LRFN2: variants seen among roughly 807,000 people sequenced by gnomAD.
LRFN2 encodes leucine rich repeat and fibronectin type III domain containing 2, also known as leucine-rich repeat and fibronectin type-III domain-containing protein 2.
A neutral mutation model predicts 37.3 loss-of-function variants in LRFN2; 18 were observed. That is an observed-to-expected ratio of 0.48 (90% CI 0.33 to 0.72). The LOEUF (loss-of-function observed/expected upper bound fraction) is 0.72. Among genes scored for constraint, LRFN2 ranks in the 30% least tolerant of loss-of-function variants. The probability of loss-of-function intolerance (pLI) is 0.02; values close to 1 mark genes in which losing one functional copy is unlikely to be tolerated. For synonymous variants in LRFN2, 556 were observed against 466.6 expected (o/e 1.19, Z -2.47); for missense variants, 1,006 against 1,060.7 (o/e 0.95, Z 0.72).
intron 1 of LRFN2, among the ~76,000 whole-genome samples, chr6:40,462,341 A>G (rs1392504996): frequency 6.6e-6 from 1 of 152,034 alleles, no homozygotes; most frequent in African/African-American, 2.4e-5. Flanking sequence ...GTCCCTCCAT[A>G]CTCTCTTGCA....
At chr6:40,403,394 A>G (rs1043630951) in intron 2 of LRFN2, among the ~76,000 whole-genome samples, 13 of 152,090 alleles carry the variant, frequency 8.5e-5, no homozygotes, top group Admixed American at 2.6e-4. Context: ...GGATCAGAAG[A>G]CTGATCTTCC....
chr6:40,444,900 T>G (rs574754176), intron 1 of LRFN2, among the ~76,000 whole-genome samples: 2 of 123,500 alleles, frequency 1.6e-5, no homozygotes, highest in Admixed American at 8.0e-5. Context: ...GTCTTCTTCA[T>G]GATTTTTTTT....
chr6:40,435,072 G>T (rs1234711493), intron 1 of LRFN2, among the ~76,000 whole-genome samples: 8 of 137,930 alleles, frequency 5.8e-5, no homozygotes, highest in African/African-American at 1.8e-4. Context: ...GAGAGAGAGA[G>T]AGAGAGAGAG....
chr6:40,517,851 G>C (rs1352438520), intron 1 of LRFN2, among the ~76,000 whole-genome samples: 1 of 152,118 alleles, frequency 6.6e-6, no homozygotes, highest in African/African-American at 2.4e-5. Context: ...CATTAGTACG[G>C]ACAATTTGGC....
chr6:40,419,214 C>A (rs1763163931), intron 2 of LRFN2, among the ~76,000 whole-genome samples: 1 of 152,202 alleles, frequency 6.6e-6, no homozygotes, highest in South Asian at 2.1e-4. Flanking sequence ...CCTCCACAGC[C>A]TTTCATGGAT....
At chr6:40,495,738 G>A (rs533624647) in intron 1 of LRFN2, among the ~76,000 whole-genome samples, 13 of 152,170 alleles carry the variant, frequency 8.5e-5, no homozygotes, top group African/African-American at 3.1e-4. Flanking sequence ...CAGCTCCCAG[G>A]CCTCTCATTG....
intron 1 of LRFN2, among the ~76,000 whole-genome samples, chr6:40,526,535 C>T (rs1274025319): frequency 6.6e-6 from 1 of 152,154 alleles, no homozygotes; most frequent in Non-Finnish European, 1.5e-5. Flanking sequence ...GACGTTCTCT[C>T]CCCTGCCCTG....
chr6:40,455,200 C>T (rs895555622), intron 1 of LRFN2, among the ~76,000 whole-genome samples: 2 of 152,214 alleles, frequency 1.3e-5, no homozygotes, highest in African/African-American at 4.8e-5. Context: ...GCTTTCCTCT[C>T]ACTTGGCTTA....
chr6:40,487,294 C>A (rs1298295031), intron 1 of LRFN2, among the ~76,000 whole-genome samples: 1 of 152,172 alleles, frequency 6.6e-6, no homozygotes, highest in East Asian at 1.9e-4. Flanking sequence ...GTGAGTAGAT[C>A]ATTTATGCCA....
chr6:40,586,143 C>G (rs1036604771), intron 1 of LRFN2, among the ~76,000 whole-genome samples: 1 of 152,142 alleles, frequency 6.6e-6, no homozygotes, highest in Non-Finnish European at 1.5e-5. Context: ...GATGGGAAGA[C>G]GAGTAGGACA....
intron 1 of LRFN2, among the ~76,000 whole-genome samples, chr6:40,518,148 A>T (rs572017164): frequency 1.3e-5 from 2 of 152,334 alleles, no homozygotes; most frequent in South Asian, 4.1e-4. Context: ...TCACTGTCAA[A>T]TAATAGGCTT....
chr6:40,426,848 C>T (rs1292975032), intron 2 of LRFN2, among the ~76,000 whole-genome samples: 2 of 152,168 alleles, frequency 1.3e-5, no homozygotes, highest in African/African-American at 4.8e-5. Context: ...ACTGTGCCAT[C>T]CCAGATTAAA....
At chr6:40,424,488 C>CG in intron 2 of LRFN2, among the ~76,000 whole-genome samples, 1 of 152,134 alleles carries the variant, frequency 6.6e-6, no homozygotes, top group East Asian at 1.9e-4. Flanking sequence ...AAAATCTACG[C>CG]AATCTGTTTG....
chr6:40,422,373 T>C (rs1763248637), intron 2 of LRFN2, among the ~76,000 whole-genome samples: 1 of 152,186 alleles, frequency 6.6e-6, no homozygotes, highest in African/African-American at 2.4e-5. Context: ...GCTGAATGCA[T>C]GTCAAAATCA....
intron 1 of LRFN2, among the ~76,000 whole-genome samples, chr6:40,579,613 A>AACACACACACAC (rs34819147): frequency 6.9e-4 from 100 of 145,054 alleles, no homozygotes; most frequent in African/African-American, 2.4e-3. Flanking sequence ...AACACACACA[A>AACACACACACAC]ACACACACAC....
chr6:40,515,892 CAAAAA>C (rs71543993), intron 1 of LRFN2, among the ~76,000 whole-genome samples: 1 of 91,784 alleles, frequency 1.1e-5, no homozygotes, highest in African/African-American at 4.1e-5. Flanking sequence ...GACTCCATAT[CAAAAA>C]AAAAAAAAAA....
At chr6:40,435,165 G>A (rs539670266) in intron 1 of LRFN2, among the ~76,000 whole-genome samples, 1 of 148,000 alleles carries the variant, frequency 6.8e-6, no homozygotes, top group Non-Finnish European at 1.5e-5. Context: ...GAGAGAGAGA[G>A]AGAGAGAGAG....
chr6:40,551,851 A>G (rs1314780105), intron 1 of LRFN2, among the ~76,000 whole-genome samples: 2 of 152,202 alleles, frequency 1.3e-5, no homozygotes, highest in African/African-American at 4.8e-5. Flanking sequence ...ACATACCAAC[A>G]TGATAGAATC....
At chr6:40,473,992 G>GGT (rs1388627311) in intron 1 of LRFN2, among the ~76,000 whole-genome samples, 2 of 152,084 alleles carry the variant, frequency 1.3e-5, no homozygotes, top group African/African-American at 4.8e-5. Context: ...CAAACACCCA[G>GGT]GTGTTCCTGG....
Sources: allele counts gnomAD v4.1 joint callset (sites outside exome capture counted in the v4.1 genomes callset), GRCh38; gene constraint gnomAD v4.1.1; transcripts MANE v1.5; gene names NCBI Gene and HGNC (gene_info 2026-07-23, HGNC 2026-07-21).